ZNF407: variants seen among roughly 807,000 people sequenced by gnomAD.
ZNF407 encodes the protein zinc finger protein 407.
In ZNF407, 17 loss-of-function variants were observed where a neutral mutation model predicts 131.2. That is an observed-to-expected ratio of 0.13 (90% CI 0.09 to 0.19). The LOEUF (loss-of-function observed/expected upper bound fraction) is 0.19. Ranked by LOEUF, ZNF407 falls within the 10% of genes least tolerant of loss-of-function variation. The pLI, the probability that ZNF407 is intolerant of heterozygous loss-of-function variation, is 1.00. For missense variants in ZNF407, 2,681 were observed against 2,830.6 expected, an observed-to-expected ratio of 0.95 and a Z score of 1.20; for synonymous variants, 1,156 against 1,062.0, an observed-to-expected ratio of 1.09 and a Z score of -1.72.
At chr18:74,654,094 TCTG>T (rs1265601002) in intron 3 of ZNF407, among the ~76,000 whole-genome samples, 1 of 151,830 alleles carries the variant, frequency 6.6e-6, no homozygotes, top group African/African-American at 2.4e-5. Context: ...AAGGAATAAT[TCTG>T]CTGCTGATCA....
At chr18:74,964,809 C>T (rs912178756) in intron 8 of ZNF407, among the ~76,000 whole-genome samples, 11 of 152,146 alleles carry the variant, frequency 7.2e-5, no homozygotes, top group African/African-American at 2.7e-4. Context: ...AAGTGTTGCA[C>T]AGAACAGACA....
Position 74,631,416 on chromosome 18 carries a change from C to G in ZNF407, c.397C>G (p.Pro133Ala), listed in dbSNP as rs368981897. The G allele has an allele frequency of 1.9e-5, 30 of 1,614,012 alleles. No individual in the cohort carries two copies. The African/African-American group carries it at 2.9e-4, about 16-fold the overall frequency. Residue 133 changes from proline (P) to alanine (A), a missense_variant, in exon 2 of 9, where the codon CCT becomes GCT. Transcript: ENST00000299687. The stretch of plus-strand genomic sequence containing the variant: ...CACATGTCTCCCAAATGCCCTCTCC[C>G]CTTCTTGCAATTTTAGCACTATTGA... Reference protein sequence around the residue: ...GGTCLPNALSPSCNFSTIDVV... With the variant: ...GGTCLPNALSASCNFSTIDVV...
chr18:74,630,355 T>C (rs537826105), intron 1 of ZNF407, among the ~76,000 whole-genome samples: 174 of 152,206 alleles, frequency 1.1e-3, no homozygotes, highest in African/African-American at 3.9e-3. Flanking sequence ...GTATTTTTAG[T>C]AGCGACAGGG....
chr18:74,874,804 T>C (rs1971133350), intron 4 of ZNF407, among the ~76,000 whole-genome samples: 1 of 152,202 alleles, frequency 6.6e-6, no homozygotes, highest in Non-Finnish European at 1.5e-5. Context: ...AGCCTGCAAT[T>C]TCCTTGAAAG....
chr18:74,761,419 C>A (rs992112663), intron 3 of ZNF407, among the ~76,000 whole-genome samples: 1 of 151,656 alleles, frequency 6.6e-6, no homozygotes. Flanking sequence ...TTTCTATATC[C>A]CTTAGCACAA....
intron 4 of ZNF407, among the ~76,000 whole-genome samples, chr18:74,853,200 C>G (rs958494191): frequency 6.6e-6 from 1 of 152,144 alleles, no homozygotes; most frequent in Non-Finnish European, 1.5e-5. Flanking sequence ...ATTAATGCTC[C>G]TAGCCACTAC....
intron 8 of ZNF407, among the ~76,000 whole-genome samples, chr18:74,931,051 T>C (rs762062885): frequency 1.3e-5 from 2 of 152,206 alleles, no homozygotes; most frequent in African/African-American, 2.4e-5. Context: ...TATCTCTCTA[T>C]CTAGAACATA....
intron 4 of ZNF407, among the ~76,000 whole-genome samples, chr18:74,805,345 G>A (rs755873425): frequency 3.9e-5 from 6 of 152,012 alleles, no homozygotes; most frequent in Non-Finnish European, 7.4e-5. Context: ...CATATATTGC[G>A]GAAAATCTTT....
chr18:74,707,348 C>T (rs1423807667), intron 3 of ZNF407, among the ~76,000 whole-genome samples: 1 of 152,184 alleles, frequency 6.6e-6, no homozygotes, highest in Non-Finnish European at 1.5e-5. Context: ...TAGTTACCTT[C>T]AGTTGTAAGT....
chr18:74,746,348 C>T (rs1238774796), intron 3 of ZNF407, among the ~76,000 whole-genome samples: 3 of 152,058 alleles, frequency 2.0e-5, no homozygotes, highest in African/African-American at 7.2e-5. Context: ...TTCACTTAGG[C>T]TACACTAAAT....
chr18:75,060,598 C>T (rs1234150541), intron 8 of ZNF407, among the ~76,000 whole-genome samples: 1 of 151,580 alleles, frequency 6.6e-6, no homozygotes, highest in Non-Finnish European at 1.5e-5. Flanking sequence ...CTCCGCCTCC[C>T]GGGTTCCCGC....
chr18:74,909,274 G>A (rs1037847760), intron 7 of ZNF407, among the ~76,000 whole-genome samples: 1 of 151,948 alleles, frequency 6.6e-6, no homozygotes, highest in East Asian at 1.9e-4. Context: ...GAAAAGCGCC[G>A]ATAATGACTC....
At chr18:74,947,607 G>A (rs1403614062) in intron 8 of ZNF407, among the ~76,000 whole-genome samples, 2 of 152,204 alleles carry the variant, frequency 1.3e-5, no homozygotes. Flanking sequence ...AACATCGGCT[G>A]CTCTCTCCCC....
intron 8 of ZNF407, among the ~76,000 whole-genome samples, chr18:74,963,946 A>G (rs1432227894): frequency 2.6e-5 from 4 of 152,212 alleles, no homozygotes; most frequent in Non-Finnish European, 4.4e-5. Context: ...AGCAGCTGCT[A>G]TTAACAGGCC....
chr18:74,909,923 A>G (rs1971646716), intron 7 of ZNF407, among the ~76,000 whole-genome samples: 1 of 152,200 alleles, frequency 6.6e-6, no homozygotes, highest in Non-Finnish European at 1.5e-5. Flanking sequence ...AAGTATTTCC[A>G]GAAGAGGAAT....
intron 3 of ZNF407, among the ~76,000 whole-genome samples, chr18:74,729,129 C>T (rs964325530): frequency 3.3e-5 from 5 of 152,106 alleles, no homozygotes; most frequent in African/African-American, 1.2e-4. Flanking sequence ...TTTTTATGGT[C>T]AGTACCCAGT....
In ZNF407 at chr18:75,063,548, G is replaced by C; in HGVS notation, c.5827G>C (p.Val1943Leu). Residue 1943 changes from valine (V) to leucine (L), a missense_variant, in exon 9 of 9, where the codon GTC (valine) becomes CTC (leucine). By Grantham distance (32) the Val-to-Leu change is conservative (BLOSUM62 1). Around this residue, in one of 6 missense-constraint regions of ZNF407, gnomAD observed 620 missense variants for 583.1 expected, o/e 1.06. Coordinates refer to ENST00000299687, the MANE Select transcript of ZNF407 (RefSeq NM_017757.3). The surrounding 1 kb of genome is among the most constrained non-coding windows in gnomAD (Gnocchi z 6.6). ...GGCTGATGGAGCCACCCAGGTGGTC[G>C]TCGTGGGGGGCTCCATGGAAGGCCA... ...QLADGATQVV[V>L]VGGSMEGHGM... 6.4e-7 allele frequency: 1 copy of C among 1,567,456 alleles called. No homozygotes were observed. The highest frequency in any genetic ancestry group is 8.6e-7 in the Non-Finnish European group (1 of 1,157,806).
At chr18:74,627,163 G>A (rs566140059) in intron 1 of ZNF407, among the ~76,000 whole-genome samples, 25 of 152,240 alleles carry the variant, frequency 1.6e-4, no homozygotes, top group African/African-American at 5.8e-4. Flanking sequence ...CTTTTTTTCA[G>A]TTGTTTCAAA....
At chr18:74,996,834 G>A (rs1972785564) in intron 8 of ZNF407, among the ~76,000 whole-genome samples, 1 of 152,314 alleles carries the variant, frequency 6.6e-6, no homozygotes. Flanking sequence ...TATTACAGAT[G>A]TAAAGTAAAG....
Sources: allele counts gnomAD v4.1 joint callset (sites outside exome capture counted in the v4.1 genomes callset), GRCh38; gene constraint gnomAD v4.1.1; regional missense constraint gnomAD v4.1.1; non-coding constraint Gnocchi (gnomAD v3.1); transcripts MANE v1.5; gene names NCBI Gene and HGNC (gene_info 2026-07-23, HGNC 2026-07-21).